The following DNAH11 variants were observed in gnomAD, a reference collection of about 807,000 sequenced individuals.
DNAH11 encodes axonemal beta dynein heavy chain 11.
Under a neutral mutation model 526.0 loss-of-function variants are expected in DNAH11, and 442 were observed. The observed-to-expected ratio is 0.84, with a 90% CI of 0.78 to 0.91. DNAH11 has a LOEUF of 0.91. DNAH11 is among the 40% of genes least tolerant of loss of function. The pLI, the probability that DNAH11 is intolerant of heterozygous loss-of-function variation, is 0.00. For synonymous variants in DNAH11, 2,461 were observed against 1,935.9 expected, an observed-to-expected ratio of 1.27 and a Z score of -7.12; for missense variants, 6,989 against 5,448.7, an observed-to-expected ratio of 1.28 and a Z score of -8.90.
Position 21,589,240 on chromosome 7 carries a change from A to T in DNAH11, c.2006A>T (p.Tyr669Phe), listed in dbSNP as rs1439951153. The change falls in exon 12 of 82, where the codon TAT (tyrosine) becomes TTT (phenylalanine). Residue 669 changes from tyrosine to phenylalanine, a missense_variant. Coordinates refer to ENST00000409508, the MANE Select transcript of DNAH11 (RefSeq NM_001277115.2). ...GGCAATCCTGATCACGCTTTAGTTT[A>T]TCAAAAGTATGTTGAAATGACCACT... ...FLGNPDHALV[Y>F]QKYVEMTTLL... 6.2e-7 allele frequency: 1 copy of T among 1,609,926 alleles called. No homozygotes were observed. The highest frequency in any genetic ancestry group is 2.2e-5 in the East Asian group (1 of 44,678).
chr7:21,622,331 A>C (rs1437494506), intron 25 of DNAH11, among the ~76,000 whole-genome samples: 2 of 152,228 alleles, frequency 1.3e-5, no homozygotes, highest in Non-Finnish European at 2.9e-5. Context: ...GATACAAAGA[A>C]ATGGAAGAAC....
chr7:21,748,804 C>CT (rs1455103582), intron 52 of DNAH11, 62 bp downstream of exon 52: 1 of 1,526,510 alleles, frequency 6.6e-7, no homozygotes, highest in Non-Finnish European at 8.8e-7. Context: ...GCCGAGGCTC[C>CT]TAGTGCGCCC....
intron 55 of DNAH11, among the ~76,000 whole-genome samples, chr7:21,768,769 A>G (rs1322962776): frequency 1.3e-5 from 2 of 152,198 alleles, no homozygotes; most frequent in African/African-American, 4.8e-5. Flanking sequence ...TTTTACTGCT[A>G]TATTTAAAGA....
intron 49 of DNAH11, among the ~76,000 whole-genome samples, chr7:21,743,353 A>G (rs2128491279): frequency 6.6e-6 from 1 of 152,344 alleles, no homozygotes; most frequent in African/African-American, 2.4e-5. Flanking sequence ...ATTGAAAATT[A>G]CCTTGCTTAC....
chr7:21,553,694 A>G (rs1783108011), intron 2 of DNAH11, among the ~76,000 whole-genome samples: 1 of 152,132 alleles, frequency 6.6e-6, no homozygotes, highest in Non-Finnish European at 1.5e-5. Flanking sequence ...GAGCTTTTCC[A>G]TGTATTTCAC....
chr7:21,743,303 A>C (rs902681596), intron 49 of DNAH11, among the ~76,000 whole-genome samples: 1 of 152,226 alleles, frequency 6.6e-6, no homozygotes, highest in Non-Finnish European at 1.5e-5. Context: ...ATATGAAGAG[A>C]AATAGCAACT....
chr7:21,698,277 G>A (rs1783933580), intron 36 of DNAH11, 64 bp downstream of exon 36: 2 of 1,577,940 alleles, frequency 1.3e-6, no homozygotes, highest in African/African-American at 2.8e-5. Context: ...TTGAAGTATG[G>A]ATTTTAGGTA....
At chr7:21,550,886 G>T (rs1293080580) in intron 2 of DNAH11, among the ~76,000 whole-genome samples, 1 of 152,158 alleles carries the variant, frequency 6.6e-6, no homozygotes, top group Admixed American at 6.5e-5. Context: ...GGGCATTTCT[G>T]TGAAATCTGC....
chr7:21,681,737 G>A, intron 31 of DNAH11, 60 bp downstream of exon 31: 1 of 1,594,420 alleles, frequency 6.3e-7, no homozygotes, highest in Non-Finnish European at 8.6e-7. Flanking sequence ...GGTGTTTATT[G>A]CCAGAGTAGT....
intron 30 of DNAH11, among the ~76,000 whole-genome samples, chr7:21,659,902 T>A (rs2128466223): frequency 6.6e-6 from 1 of 152,256 alleles, no homozygotes; most frequent in East Asian, 1.9e-4. Context: ...TTCCTTTTAA[T>A]TTTACTCTTT....
chr7:21,832,680 A>G (rs553838978), intron 65 of DNAH11, among the ~76,000 whole-genome samples: 59 of 152,310 alleles, frequency 3.9e-4, no homozygotes, highest in African/African-American at 1.3e-3. Context: ...ATTAGCTGCT[A>G]TTGCTTTGAG....
chr7:21,699,940 C>T (rs527942254), intron 36 of DNAH11, among the ~76,000 whole-genome samples: 1 of 152,066 alleles, frequency 6.6e-6, no homozygotes, highest in African/African-American at 2.4e-5. Flanking sequence ...ATTCAGTTTA[C>T]ATGACATAAA....
chr7:21,749,441 C>T (rs948645731), intron 52 of DNAH11, among the ~76,000 whole-genome samples: 2 of 152,164 alleles, frequency 1.3e-5, no homozygotes, highest in African/African-American at 4.8e-5. Context: ...TGTTTTCATC[C>T]CTCTGCTCCA....
intron 77 of DNAH11, 53 bp downstream of exon 77, chr7:21,892,720 C>T: frequency 6.7e-7 from 1 of 1,501,910 alleles, no homozygotes. Flanking sequence ...CTTACTTGTA[C>T]TGAAGTCTAC....
intron 58 of DNAH11, among the ~76,000 whole-genome samples, chr7:21,785,368 A>G (rs961525): frequency 0.71 from 108,280 of 152,166 alleles, 39,358 homozygotes; most frequent in East Asian, 0.83. Flanking sequence ...AAATGGAAAC[A>G]TACCATGACA....
In DNAH11 at chr7:21,801,133, T is replaced by A. The variant is rs769482483; in HGVS notation, c.10027-4T>A. 6.2e-7 allele frequency: 1 copy of A among 1,603,926 alleles called. No homozygotes were observed. Among genetic ancestry groups the A allele is most frequent in the East Asian group, 2.2e-5 (1 of 44,750 alleles). Reference sequence around the variant, plus strand: ...ACTCAAAAGTTAATTCAACTCTGATTCAGGATCTGGATCGAAATCTGAGCA... The same window carrying A: ...ACTCAAAAGTTAATTCAACTCTGATACAGGATCTGGATCGAAATCTGAGCA... On this transcript the variant is annotated splice_region_variant and splice_polypyrimidine_tract_variant and intron_variant, in intron 61 of 81. Coordinates refer to ENST00000409508, the MANE Select transcript of DNAH11 (RefSeq NM_001277115.2).
chr7:21,859,412 C>T (rs1029982359), intron 68 of DNAH11, among the ~76,000 whole-genome samples: 9 of 152,312 alleles, frequency 5.9e-5, no homozygotes, highest in African/African-American at 9.6e-5. Flanking sequence ...CAAGCCCAAC[C>T]TATAAATGCT....
chr7:21,884,777 G>A (rs1784060899), intron 76 of DNAH11, among the ~76,000 whole-genome samples: 1 of 152,124 alleles, frequency 6.6e-6, no homozygotes, highest in African/African-American at 2.4e-5. Context: ...AGGCCACTAG[G>A]TTGGCACAGG....
At chr7:21,816,757 G>A (rs1562563846) in intron 64 of DNAH11, 55 bp downstream of exon 64, 1 of 1,472,032 alleles carries the variant, frequency 6.8e-7, no homozygotes, top group Non-Finnish European at 9.4e-7. Flanking sequence ...AAGTGGGTCT[G>A]ATTTTTATAA....
Sources: gnomAD v4.1 joint callset for allele counts (sites outside exome capture counted in the v4.1 genomes callset) on GRCh38, gnomAD v4.1.1 for gene constraint, MANE v1.5 for transcripts, NCBI Gene and HGNC (gene_info 2026-07-23, HGNC 2026-07-21) for gene names.